CAMK2D: variants seen among roughly 807,000 people sequenced by gnomAD.
CAMK2D encodes calcium/calmodulin-dependent protein kinase type II subunit delta.
A neutral mutation model predicts 84.0 loss-of-function variants in CAMK2D; 37 were observed. The observed-to-expected ratio is 0.44, with a 90% CI of 0.34 to 0.58. The LOEUF is 0.58. CAMK2D is among the 20% of genes least tolerant of loss of function. The pLI, the probability that CAMK2D is intolerant of heterozygous loss-of-function variation, is 0.02. For synonymous variants in CAMK2D, 202 were observed against 212.5 expected (o/e 0.95, Z 0.43); for missense variants, 448 against 652.5 (o/e 0.69, Z 3.41).
intron 2 of CAMK2D, among the ~76,000 whole-genome samples, chr4:113,690,651 T>A (rs926963864): frequency 2.0e-5 from 3 of 152,220 alleles, no homozygotes; most frequent in Non-Finnish European, 4.4e-5. Flanking sequence ...CCACGTATGA[T>A]GATTAGACTT....
At chr4:113,535,240 C>A (rs2098481778) in intron 7 of CAMK2D, among the ~76,000 whole-genome samples, 2 of 152,056 alleles carry the variant, frequency 1.3e-5, no homozygotes, top group African/African-American at 4.8e-5. Flanking sequence ...GGACTCGAGT[C>A]CTGTCTTTGA....
intron 17 of CAMK2D, among the ~76,000 whole-genome samples, chr4:113,462,294 GTCTGTC>G (rs1403139919): frequency 0.058 from 7,437 of 128,296 alleles, 267 homozygotes; most frequent in South Asian, 0.088. Context: ...GTGTGTGTGT[GTCTGTC>G]TGTCTGTCTG....
intron 16 of CAMK2D, among the ~76,000 whole-genome samples, chr4:113,486,994 T>G (rs751671525): frequency 2.0e-5 from 3 of 152,238 alleles, no homozygotes; most frequent in Non-Finnish European, 4.4e-5. Context: ...TTACAGGTGT[T>G]CATAAAATAT....
chr4:113,478,832 A>G (rs2154126029), intron 16 of CAMK2D, among the ~76,000 whole-genome samples: 1 of 152,302 alleles, frequency 6.6e-6, no homozygotes, highest in African/African-American at 2.4e-5. Context: ...AACATTTCCT[A>G]ATTCAAATTG....
chr4:113,513,733 T>C, intron 11 of CAMK2D, 97 bp downstream of exon 11: 1 of 650,554 alleles, frequency 1.5e-6, no homozygotes, highest in Admixed American at 2.8e-5. Flanking sequence ...GAGGTCTACA[T>C]AATTGAAAGC....
intron 16 of CAMK2D, among the ~76,000 whole-genome samples, chr4:113,475,619 C>A (rs544519539): frequency 2.6e-5 from 4 of 152,182 alleles, no homozygotes; most frequent in Non-Finnish European, 5.9e-5. Flanking sequence ...AATATTTCAA[C>A]TGTAAGAATG....
intron 2 of CAMK2D, among the ~76,000 whole-genome samples, chr4:113,704,351 T>C (rs2099434031): frequency 6.6e-6 from 1 of 152,068 alleles, no homozygotes; most frequent in African/African-American, 2.4e-5. Flanking sequence ...TATTCTGGCA[T>C]ATTTTACTAA....
intron 6 of CAMK2D, among the ~76,000 whole-genome samples, chr4:113,546,209 T>C (rs4834352): frequency 0.056 from 8,572 of 152,260 alleles, 342 homozygotes; most frequent in Non-Finnish European, 0.081. Context: ...TGTTCATATA[T>C]GTTCACTTAA....
At chr4:113,630,757 C>T (rs185802020) in intron 3 of CAMK2D, among the ~76,000 whole-genome samples, 2 of 152,236 alleles carry the variant, frequency 1.3e-5, no homozygotes, top group Admixed American at 1.3e-4. Context: ...ACTGATGAAT[C>T]CCCAAATGAA....
intron 4 of CAMK2D, among the ~76,000 whole-genome samples, chr4:113,607,859 C>T (rs574084670): frequency 1.3e-5 from 2 of 152,304 alleles, no homozygotes; most frequent in African/African-American, 4.8e-5. Flanking sequence ...AACAAAATCA[C>T]AATTTAGTTC....
chr4:113,761,221 A>G lies in CAMK2D; in HGVS notation c.-153T>C. Reference sequence around the variant, plus strand: ...AGCTCGCCCGCGAGGGAGTGTGCGCAGGGGCGGGGCGGGAGGGGAGATGAC... The same window carrying G: ...AGCTCGCCCGCGAGGGAGTGTGCGCGGGGGCGGGGCGGGAGGGGAGATGAC... On this transcript the variant is annotated 5_prime_UTR_variant, in exon 1 of 21. Transcript: ENST00000511664. 3 of 1,128,280 alleles carry G rather than the reference A, an allele frequency of 2.7e-6. No homozygotes were observed. The highest frequency in any genetic ancestry group is 1.1e-4 in the East Asian group (2 of 18,490). 69.9% of individuals were successfully genotyped at this position (1,128,280 alleles called of 1,614,324 possible).
At chr4:113,648,320 C>T (rs187634480) in intron 3 of CAMK2D, among the ~76,000 whole-genome samples, 17 of 152,200 alleles carry the variant, frequency 1.1e-4, no homozygotes, top group Admixed American at 2.6e-4. Flanking sequence ...GTTGTTATTG[C>T]TCCTTAAAAG....
intron 2 of CAMK2D, among the ~76,000 whole-genome samples, chr4:113,725,391 C>T (rs1240936325): frequency 2.6e-5 from 4 of 152,014 alleles, no homozygotes; most frequent in East Asian, 1.9e-4. Flanking sequence ...TCTAGCCTAT[C>T]GAATTTTATT....
At chr4:113,533,494 A>G (rs17046185) in intron 7 of CAMK2D, among the ~76,000 whole-genome samples, 2,890 of 152,204 alleles carry the variant, frequency 0.019, 94 homozygotes, top group African/African-American at 0.066. Flanking sequence ...TGAAAAACCA[A>G]TAAGAAAATC....
intron 13 of CAMK2D, among the ~76,000 whole-genome samples, chr4:113,508,962 A>G (rs970540764): frequency 1.3e-5 from 2 of 152,248 alleles, no homozygotes; most frequent in African/African-American, 4.8e-5. Flanking sequence ...ATCATTATGT[A>G]CCATAAGATT....
At chr4:113,549,141 C>T (rs2098605521) in intron 5 of CAMK2D, among the ~76,000 whole-genome samples, 1 of 152,020 alleles carries the variant, frequency 6.6e-6, no homozygotes, top group African/African-American at 2.4e-5. Context: ...AATCTGAGGT[C>T]ACAATTAAAC....
chr4:113,503,484 A>G (rs2098084675), intron 14 of CAMK2D, among the ~76,000 whole-genome samples: 1 of 152,200 alleles, frequency 6.6e-6, no homozygotes, highest in Admixed American at 6.5e-5. Context: ...GCCATTGGAC[A>G]ACACTTAAAA....
rs965501878 is a variant in CAMK2D at position 113,720,676 on chromosome 4, AAAT to A, written c.160+38641_160+38643del. Among the ~76,000 whole-genome samples, 79 of 151,652 alleles carry A rather than the reference AAAT, an allele frequency of 5.2e-4. No homozygotes were observed. The Middle Eastern group carries it at 0.014, about 26-fold the overall frequency. ...GGGCATATTTAGATGCAAAAGCAAA[AAAT>A]AATAATTTTAACAATAGAAATCATA... is the stretch of plus-strand genomic sequence containing the variant. On this transcript the variant is annotated intron_variant, in intron 2 of 20. Coordinates refer to ENST00000511664, the MANE Select transcript of CAMK2D (RefSeq NM_001321571.2).
intron 2 of CAMK2D, among the ~76,000 whole-genome samples, chr4:113,758,403 G>A (rs2149157887): frequency 6.6e-6 from 1 of 152,252 alleles, no homozygotes; most frequent in African/African-American, 2.4e-5. Context: ...ATTTTGGTAA[G>A]AAGCACTTTT....
Sources: gnomAD v4.1 joint callset for allele counts (sites outside exome capture counted in the v4.1 genomes callset) on GRCh38, gnomAD v4.1.1 for gene constraint, MANE v1.5 for transcripts, NCBI Gene and HGNC (gene_info 2026-07-23, HGNC 2026-07-21) for gene names.